Variants in MACROD2 observed in about 807,000 individuals in gnomAD.
MACROD2 encodes mono-ADP ribosylhydrolase 2.
MACROD2 carries 36 observed loss-of-function variants against 70.4 expected under a neutral mutation model. That is an observed-to-expected ratio of 0.51 (90% CI 0.39 to 0.68). The LOEUF (loss-of-function observed/expected upper bound fraction) is 0.68. MACROD2 is among the 30% of genes least tolerant of loss of function. The pLI, the probability that MACROD2 is intolerant of heterozygous loss-of-function variation, is 0.00. For missense variants in MACROD2, 496 were observed against 538.4 expected, an observed-to-expected ratio of 0.92 and a Z score of 0.78; for synonymous variants, 172 against 178.8, an observed-to-expected ratio of 0.96 and a Z score of 0.30.
intron 6 of MACROD2, among the ~76,000 whole-genome samples, chr20:15,305,867 C>T (rs913816602): frequency 1.3e-5 from 2 of 152,132 alleles, no homozygotes; most frequent in South Asian, 2.1e-4. Flanking sequence ...AATGGTCTAA[C>T]CTTTTTCTTT....
At chr20:14,336,304 A>G (rs2082935278) in intron 3 of MACROD2, among the ~76,000 whole-genome samples, 1 of 151,656 alleles carries the variant, frequency 6.6e-6, no homozygotes, top group Non-Finnish European at 1.5e-5. Flanking sequence ...ACCATTAGAG[A>G]TTTTGGACTA....
chr20:14,346,513 G>T (rs892170843), intron 3 of MACROD2, among the ~76,000 whole-genome samples: 1 of 152,174 alleles, frequency 6.6e-6, no homozygotes. Context: ...GCTCGTTCAA[G>T]CACCTATTTA....
At chr20:16,040,451 G>T (rs1448127011) in intron 15 of MACROD2, among the ~76,000 whole-genome samples, 1 of 151,932 alleles carries the variant, frequency 6.6e-6, no homozygotes, top group East Asian at 1.9e-4. Context: ...GTATGTATTT[G>T]TATTTACAAA....
chr20:14,275,865 A>T (rs1301786066), intron 3 of MACROD2, among the ~76,000 whole-genome samples: 1 of 152,200 alleles, frequency 6.6e-6, no homozygotes, highest in Non-Finnish European at 1.5e-5. Flanking sequence ...CAGCCAAAAA[A>T]CACATGAAAA....
chr20:15,491,792 CAGA>C (rs1568845824), intron 7 of MACROD2, among the ~76,000 whole-genome samples: 1 of 151,838 alleles, frequency 6.6e-6, no homozygotes, highest in Non-Finnish European at 1.5e-5. Context: ...GGGCTGGCAC[CAGA>C]AGGAGCCCTC....
At chr20:15,541,084 C>G (rs889158471) in intron 8 of MACROD2, among the ~76,000 whole-genome samples, 11 of 152,130 alleles carry the variant, frequency 7.2e-5, no homozygotes, top group Non-Finnish European at 1.5e-4. Flanking sequence ...CAGGGTACTA[C>G]TCGTGGAAAC....
chr20:15,127,047 G>A (rs1339909431), intron 5 of MACROD2, among the ~76,000 whole-genome samples: 1 of 151,966 alleles, frequency 6.6e-6, no homozygotes. Context: ...TACACCTAGG[G>A]CAGAACACTT....
Position 15,883,041 on chromosome 20 carries a change from AC to A in MACROD2, c.728-2722del, listed in dbSNP as rs199620238. 9.7e-3 allele frequency among the ~76,000 whole-genome samples: 1,451 copies of A among 148,964 alleles called. 16 individuals are homozygous for A. The highest frequency in any genetic ancestry group is 0.029 in the African/African-American group (1,153 of 40,104). ...ACTGACAAGATTCTTAAAAAAAAAA[AC>A]AAACAAACAAAACAAAAAAAACTGC... On this transcript the variant is annotated intron_variant, in intron 9 of 17. Coordinates refer to ENST00000684519, the MANE Select transcript of MACROD2 (RefSeq NM_001351661.2).
chr20:15,241,130 A>G (rs181817000), intron 6 of MACROD2, among the ~76,000 whole-genome samples: 1 of 152,346 alleles, frequency 6.6e-6, no homozygotes. Flanking sequence ...AAAGAGAATG[A>G]TAGATTATAA....
At chr20:14,553,584 C>G (rs558516898) in intron 4 of MACROD2, among the ~76,000 whole-genome samples, 4 of 152,130 alleles carry the variant, frequency 2.6e-5, no homozygotes, top group Non-Finnish European at 5.9e-5. Context: ...TTGTTTACAT[C>G]AGTATCATTC....
intron 5 of MACROD2, among the ~76,000 whole-genome samples, chr20:15,143,962 C>CA (rs11475638): frequency 1.9e-3 from 185 of 97,310 alleles, no homozygotes; most frequent in African/African-American, 3.1e-3. Context: ...AAAAAAATCG[C>CA]AAAAAAAAAA....
intron 5 of MACROD2, among the ~76,000 whole-genome samples, chr20:14,996,029 T>C (rs2074946252): frequency 6.6e-6 from 1 of 152,192 alleles, no homozygotes; most frequent in Admixed American, 6.5e-5. Context: ...TTAGATTCAG[T>C]GCAATAAAGA....
chr20:14,337,578 G>A (rs1332047129), intron 3 of MACROD2: 1 of 398,450 alleles, frequency 2.5e-6, no homozygotes, highest in East Asian at 3.6e-5. Flanking sequence ...CTACACTGAG[G>A]AGTGAGCGAG....
intron 3 of MACROD2, among the ~76,000 whole-genome samples, chr20:14,114,901 A>G (rs1376429963): frequency 1.3e-5 from 2 of 152,178 alleles, no homozygotes; most frequent in Non-Finnish European, 2.9e-5. Flanking sequence ...AGAGGGGCTC[A>G]GTGTTGGATC....
At chr20:14,573,932 T>C (rs1980393065) in intron 4 of MACROD2, among the ~76,000 whole-genome samples, 2 of 152,180 alleles carry the variant, frequency 1.3e-5, no homozygotes, top group Admixed American at 6.5e-5. Context: ...ATCCCTTATA[T>C]CGAGGCTCAG....
At chr20:15,048,629 C>A (rs1256329465) in intron 5 of MACROD2, among the ~76,000 whole-genome samples, 2 of 151,998 alleles carry the variant, frequency 1.3e-5, no homozygotes, top group Non-Finnish European at 2.9e-5. Flanking sequence ...CAGTAATGAA[C>A]TATAGAAACG....
At chr20:15,386,955 C>T (rs1245091444) in intron 6 of MACROD2, among the ~76,000 whole-genome samples, 1 of 151,980 alleles carries the variant, frequency 6.6e-6, no homozygotes, top group Non-Finnish European at 1.5e-5. Flanking sequence ...TCCTTTTTTC[C>T]CCCTTTCCCC....
At chr20:15,312,870 T>C (rs1022987383) in intron 6 of MACROD2, among the ~76,000 whole-genome samples, 2 of 152,182 alleles carry the variant, frequency 1.3e-5, no homozygotes, top group African/African-American at 2.4e-5. Context: ...TGTGATACAC[T>C]GACTTGAATA....
intron 5 of MACROD2, among the ~76,000 whole-genome samples, chr20:14,781,204 C>T (rs768052757): frequency 3.3e-5 from 5 of 151,956 alleles, no homozygotes; most frequent in Non-Finnish European, 5.9e-5. Flanking sequence ...TACCCCGCCC[C>T]ACCTCAAACC....
Sources: allele counts gnomAD v4.1 joint callset (sites outside exome capture counted in the v4.1 genomes callset), GRCh38; gene constraint gnomAD v4.1.1; transcripts MANE v1.5; gene names NCBI Gene and HGNC (gene_info 2026-07-23, HGNC 2026-07-21).